The following TRPM3 variants were observed in gnomAD, a reference collection of about 807,000 sequenced individuals.
TRPM3 encodes long transient receptor potential channel 3.
A neutral mutation model predicts 181.2 loss-of-function variants in TRPM3; 77 were observed. The ratio of observed to expected loss-of-function variants is 0.42; its 90% CI spans 0.35 to 0.51. The LOEUF (loss-of-function observed/expected upper bound fraction) is 0.51. TRPM3 is among the 20% of genes least tolerant of loss of function. TRPM3 has a pLI of 0.01. For synonymous variants in TRPM3, 745 were observed against 796.4 expected, an observed-to-expected ratio of 0.94 and a Z score of 1.09; for missense variants, 1,759 against 2,196.7, an observed-to-expected ratio of 0.80 and a Z score of 3.98.
chr9:71,421,462 T>A (rs1474531086), intron 1 of TRPM3, among the ~76,000 whole-genome samples: 1 of 151,978 alleles, frequency 6.6e-6, no homozygotes, highest in East Asian at 1.9e-4. Flanking sequence ...CTCCTTTCTC[T>A]ACCAGGAAAG....
Position 71,351,393 on chromosome 9 carries a change from ACAAT to A in TRPM3, c.183+95256_183+95259del, listed in dbSNP as rs2091612663. Among the ~76,000 whole-genome samples the A allele has an allele frequency of 3.9e-5, 6 of 152,366 alleles. No individual in the cohort carries two copies. The South Asian group carries it at 1.2e-3, about 32-fold the overall frequency. The stretch of plus-strand genomic sequence containing the variant: ...GCCTTATTACACACTTCTTTCTGAA[ACAAT>A]GATTCTATAACCTAGATGATAATTG... On this transcript the variant is annotated intron_variant, in intron 1 of 24. Coordinates refer to the TRPM3 transcript ENST00000357533.
intron 1 of TRPM3, among the ~76,000 whole-genome samples, chr9:71,328,290 A>G (rs748400406): frequency 2.6e-4 from 40 of 152,194 alleles, no homozygotes; most frequent in Non-Finnish European, 2.1e-4. Context: ...CAGCCTCCGG[A>G]GAAGCTGGGA....
At chr9:71,046,456 G>A (rs928001772) in intron 1 of TRPM3, among the ~76,000 whole-genome samples, 30 of 152,144 alleles carry the variant, frequency 2.0e-4, no homozygotes, top group African/African-American at 7.0e-4. Context: ...TCTTGTAAAT[G>A]GAAGAAATAA....
At chr9:71,155,528 C>T (rs12352406) in intron 1 of TRPM3, among the ~76,000 whole-genome samples, 59,989 of 100,144 alleles carry the variant, frequency 0.6, 14,099 homozygotes, top group African/African-American at 0.72. Flanking sequence ...TTTATTTTTG[C>T]ATAATTAGTA....
At chr9:71,083,685 ATAAAAGTCCC>A (rs2064782236) in intron 1 of TRPM3, among the ~76,000 whole-genome samples, 1 of 150,024 alleles carries the variant, frequency 6.7e-6, no homozygotes, top group Non-Finnish European at 1.5e-5. Context: ...CCAGTGTTGC[ATAAAAGTCCC>A]CAAAATGTAT....
intron 9 of TRPM3, among the ~76,000 whole-genome samples, chr9:70,677,322 CTG>C: frequency 6.6e-6 from 1 of 152,246 alleles, no homozygotes; most frequent in African/African-American, 2.4e-5. Context: ...ATAAATATGA[CTG>C]CAAAACTGTC....
At chr9:71,143,116 C>T (rs1587623856) in intron 1 of TRPM3, among the ~76,000 whole-genome samples, 2 of 149,170 alleles carry the variant, frequency 1.3e-5, no homozygotes, top group African/African-American at 4.9e-5. Flanking sequence ...CAGAATGAGA[C>T]CCTATCCCAA....
chr9:70,871,843 A>T (rs1197088659), intron 1 of TRPM3, among the ~76,000 whole-genome samples: 1 of 152,038 alleles, frequency 6.6e-6, no homozygotes, highest in African/African-American at 2.4e-5. Context: ...TTCTTTATGC[A>T]ATGGCAGATA....
intron 11 of TRPM3, among the ~76,000 whole-genome samples, chr9:70,638,559 C>G (rs563057869): frequency 6.6e-5 from 10 of 151,698 alleles, no homozygotes; most frequent in Non-Finnish European, 1.5e-4. Context: ...AGCTAAAAAA[C>G]AAAACAAAAC....
chr9:70,925,012 A>G (rs1390334760), intron 1 of TRPM3, among the ~76,000 whole-genome samples: 2 of 152,126 alleles, frequency 1.3e-5, no homozygotes, highest in Non-Finnish European at 2.9e-5. Flanking sequence ...CACAATTGCC[A>G]TTTCATAACG....
intron 8 of TRPM3, among the ~76,000 whole-genome samples, chr9:70,701,669 A>T (rs2072625473): frequency 6.6e-6 from 1 of 152,186 alleles, no homozygotes; most frequent in South Asian, 2.1e-4. Context: ...ACATTTTCTA[A>T]TTATTTTTAT....
intron 1 of TRPM3, among the ~76,000 whole-genome samples, chr9:71,391,672 C>T (rs1158937700): frequency 5.3e-5 from 8 of 151,888 alleles, no homozygotes; most frequent in Non-Finnish European, 1.2e-4. Context: ...GGTAAAAAAT[C>T]GAATTTGACT....
chr9:71,340,479 AATAAGT>A, intron 1 of TRPM3, among the ~76,000 whole-genome samples: 1 of 152,062 alleles, frequency 6.6e-6, no homozygotes, highest in South Asian at 2.1e-4. Context: ...TGTGACAGTG[AATAAGT>A]CTCACGAGAT....
intron 1 of TRPM3, among the ~76,000 whole-genome samples, chr9:70,877,804 A>AACACACACACACACACACACACAC (rs5898169): frequency 6.5e-4 from 95 of 146,208 alleles, no homozygotes; most frequent in South Asian, 8.9e-4. Flanking sequence ...AAAATCATAA[A>AACACACACACACACACACACACAC]ACACACACAC....
At chr9:71,405,623 C>T (rs572140020) in intron 1 of TRPM3, among the ~76,000 whole-genome samples, 1 of 152,206 alleles carries the variant, frequency 6.6e-6, no homozygotes, top group Admixed American at 6.5e-5. Context: ...TGTTGAAACT[C>T]TGTTTGCTTT....
At chr9:71,421,878 T>C (rs1401631026) in intron 1 of TRPM3, among the ~76,000 whole-genome samples, 1 of 152,028 alleles carries the variant, frequency 6.6e-6, no homozygotes, top group Non-Finnish European at 1.5e-5. Flanking sequence ...AATGTGTGGT[T>C]TGTCGTTGAC....
At chr9:70,918,570 A>G (rs2096624348) in intron 1 of TRPM3, among the ~76,000 whole-genome samples, 1 of 152,174 alleles carries the variant, frequency 6.6e-6, no homozygotes, top group Non-Finnish European at 1.5e-5. Context: ...CTTGAAACAA[A>G]TTATAATGCA....
At chr9:71,419,080 A>G (rs1565554811) in intron 1 of TRPM3, among the ~76,000 whole-genome samples, 2 of 151,464 alleles carry the variant, frequency 1.3e-5, no homozygotes, top group Admixed American at 6.6e-5. Flanking sequence ...AAAACTAAAA[A>G]GCTATCAAAA....
intron 1 of TRPM3, among the ~76,000 whole-genome samples, chr9:71,225,910 G>C (rs984794359): frequency 2.0e-5 from 3 of 148,516 alleles, no homozygotes; most frequent in African/African-American, 7.4e-5. Flanking sequence ...ACCCGCTTCA[G>C]CCTCCCAAAG....
Sources: allele counts gnomAD v4.1 joint callset (sites outside exome capture counted in the v4.1 genomes callset), GRCh38; gene constraint gnomAD v4.1.1; transcripts MANE v1.5; gene names NCBI Gene and HGNC (gene_info 2026-07-23, HGNC 2026-07-21).